The following EXOC3 variants were observed in gnomAD, a reference collection of about 807,000 sequenced individuals.
EXOC3 encodes exocyst complex component 3.
In EXOC3, 21 loss-of-function variants were observed where a neutral mutation model predicts 73.7. The observed-to-expected ratio is 0.29, with a 90% CI of 0.20 to 0.41. EXOC3 has a LOEUF of 0.41. Ranked by LOEUF, EXOC3 falls within the 10% of genes least tolerant of loss-of-function variation. EXOC3 has a pLI of 1.00. For synonymous variants in EXOC3, 410 were observed against 389.1 expected (o/e 1.05, Z -0.63); for missense variants, 842 against 985.1 (o/e 0.85, Z 1.95).
At chr5:464,587 G>C in intron 10 of EXOC3, 175 bp downstream of exon 10, 1 of 628,970 alleles carries the variant, frequency 1.6e-6, no homozygotes, top group South Asian at 1.8e-5. Flanking sequence ...CGGGGCTCTG[G>C]TGAGAATGGC....
chr5:446,393 G>C (rs777502348), intron 2 of EXOC3, 44 bp downstream of exon 2: 1 of 1,518,014 alleles, frequency 6.6e-7, no homozygotes, highest in Non-Finnish European at 8.8e-7. Flanking sequence ...TTGGGCTTCA[G>C]GTTCTTGCTT....
chr5:448,244 G>C (rs76878181), intron 3 of EXOC3, among the ~76,000 whole-genome samples: 5 of 152,196 alleles, frequency 3.3e-5, no homozygotes, highest in African/African-American at 9.7e-5. Flanking sequence ...TGAGCGCCGT[G>C]GGGGAGTGAC....
At position 458,012 on chromosome 5, in the gene EXOC3, C is replaced by T. The variant is rs1250072070; in HGVS notation, c.1277C>T (p.Ala426Val). 3.1e-6 allele frequency: 5 copies of T among 1,612,328 alleles called. No homozygotes were observed. The highest frequency in any genetic ancestry group is 3.4e-6 in the Non-Finnish European group (4 of 1,179,166). ...GGGTACTACCAGACCACACTCCCTG[C>T]CATTGTCTTCCAGGTACCACCTGCA... ...QDGYYQTTLP[A>V]IVFQMFEQNL... Residue 426 changes from alanine (A) to valine (V), a missense_variant, in exon 6 of 13, where the codon GCC (alanine) becomes GTC (valine). Transcript: ENST00000512944.
At chr5:443,810 C>T (rs941075629) in intron 1 of EXOC3, among the ~76,000 whole-genome samples, 1 of 151,540 alleles carries the variant, frequency 6.6e-6, no homozygotes, top group African/African-American at 2.4e-5. Context: ...GACGGTGTCC[C>T]CCCCCAGGCG....
In EXOC3 at chr5:465,723, C is replaced by T. The variant is rs13162508; in HGVS notation, c.1944C>T (p.Phe648=). The T allele has an allele frequency of 0.025, 40,613 of 1,613,752 alleles. 630 individuals are homozygous for T. The highest frequency in any genetic ancestry group is 0.03 in the Non-Finnish European group (35,273 of 1,179,840). The change falls in exon 12 of 13, where the codon TTC becomes TTT. Residue 648 remains phenylalanine (F), a synonymous_variant. Transcript: ENST00000512944. ...RFLFRKLASG[F]GEDVDGYCDT... ...ACATTGCTGCTGCCTTCCAGGGTTTCGGGGAAGACGTGGACGGATACTGCG... is the reference window on the plus strand; with the variant it reads ...ACATTGCTGCTGCCTTCCAGGGTTTTGGGGAAGACGTGGACGGATACTGCG...
chr5:454,727 G>A (rs910094532), intron 4 of EXOC3, among the ~76,000 whole-genome samples: 6 of 152,180 alleles, frequency 3.9e-5, no homozygotes, highest in Non-Finnish European at 8.8e-5. Context: ...TTAAGATTAG[G>A]TAGCCGAAAT....
chr5:445,670 A>G (rs1251012314), intron 1 of EXOC3, among the ~76,000 whole-genome samples: 3 of 152,100 alleles, frequency 2.0e-5, no homozygotes, highest in South Asian at 4.1e-4. Context: ...TGTCACTTTT[A>G]TAGGGTGGGA....
chr5:453,506 G>A lies in EXOC3; in HGVS notation c.501G>A (p.Thr167=), dbSNP rs747106721. The change falls in exon 4 of 13, where the codon ACG becomes ACA. Residue 167 remains threonine, a synonymous_variant. Coordinates refer to ENST00000512944, the MANE Select transcript of EXOC3 (RefSeq NM_007277.5). ...YEQYRMDSGN[T]RDMTLIHGYF... ...AGTACCGCATGGACAGTGGGAACAC[G>A]CGTGACATGACCCTCATCCATGGCT... 54 of 1,613,998 alleles carry A rather than the reference G, an allele frequency of 3.3e-5. No individual in the cohort carries two copies. The highest frequency in any genetic ancestry group is 2.9e-4 in the African/African-American group (22 of 75,044).
At position 446,138 on chromosome 5, in the gene EXOC3, C is replaced by T; in HGVS notation, c.-56-12C>T. On this transcript the variant is annotated splice_polypyrimidine_tract_variant and intron_variant, in intron 1 of 12. Transcript: ENST00000512944. Reference sequence around the variant, plus strand: ...GTACCTAACATTTCTACCGTCCTAACAACTCCTGCAGTGCACAGAGAACAC... The same window carrying T: ...GTACCTAACATTTCTACCGTCCTAATAACTCCTGCAGTGCACAGAGAACAC... 6.3e-7 allele frequency: 1 copy of T among 1,588,682 alleles called. No homozygotes were observed. The highest frequency in any genetic ancestry group is 1.1e-5 in the South Asian group (1 of 90,200).
rs1161472538 is a variant in EXOC3, at chr5:465,172, A to G, written c.1838A>G (p.Lys613Arg). The change falls in exon 11 of 13, where the codon AAG becomes AGG. Residue 613 changes from lysine (K) to arginine (R), a missense_variant. Physicochemically the swap from Lys to Arg is conservative, Grantham distance 26 (BLOSUM62 2). Transcript: ENST00000512944. The stretch of plus-strand genomic sequence containing the variant: ...GAGTACCTGCGGGCGGTCATGCAGA[A>G]GCGCATTTCCTTCCGGAGCCCGGAG... ...VVEYLRAVMQ[K>R]RISFRSPEER... 6.9e-6 allele frequency: 11 copies of G among 1,597,612 alleles called. No homozygotes were observed. Among genetic ancestry groups the G allele is most frequent in the Admixed American group, 1.7e-5 (1 of 57,414 alleles).
chr5:464,240 C>T lies in EXOC3; in HGVS notation c.1654-50C>T, dbSNP rs369175735. 136 of 1,591,980 alleles carry T rather than the reference C, an allele frequency of 8.5e-5. 1 individual carries two copies. Among genetic ancestry groups the T allele is most frequent in the Non-Finnish European group, 1.3e-5 (15 of 1,166,238 alleles). ...GCCTCCCTCCCACATGCACTCGGCT[C>T]TCGTGGGACGTTGAGGTGATGATTT... On this transcript the variant is annotated intron_variant, in intron 9 of 12. Coordinates refer to ENST00000512944, the MANE Select transcript of EXOC3 (RefSeq NM_007277.5).
chr5:458,805 G>A (rs1418182221), intron 6 of EXOC3, among the ~76,000 whole-genome samples: 2 of 152,234 alleles, frequency 1.3e-5, no homozygotes, highest in Non-Finnish European at 2.9e-5. Context: ...GTGAGGGCTG[G>A]CGGGTGACAT....
chr5:457,452 A>G (rs1737856332), intron 5 of EXOC3: 1 of 237,798 alleles, frequency 4.2e-6, no homozygotes, highest in African/African-American at 2.2e-5. Context: ...GCGTCCACCT[A>G]GCAAGGCAGC....
intron 10 of EXOC3, chr5:464,640 T>G: frequency 2.1e-6 from 1 of 486,208 alleles, no homozygotes. Flanking sequence ...GGAGCCATGG[T>G]TCCCGGAGAG....
rs753120494 is a variant in EXOC3 at position 457,026 on chromosome 5, G to A, written c.1164+20G>A. 5.6e-5 allele frequency: 87 copies of A among 1,560,776 alleles called. No homozygotes were observed. Among genetic ancestry groups the A allele is most frequent in the Non-Finnish European group, 7.2e-5 (82 of 1,132,356 alleles). ...CTCACTGTGAGTAGGGCTGGCCTGCGTGCCACAGACCACCGTGCTGGTTAT... is the reference window on the plus strand; with the variant it reads ...CTCACTGTGAGTAGGGCTGGCCTGCATGCCACAGACCACCGTGCTGGTTAT... On this transcript the variant is annotated intron_variant, in intron 5 of 12. Coordinates refer to ENST00000512944, the MANE Select transcript of EXOC3 (RefSeq NM_007277.5).
chr5:455,627 A>G (rs185203473), intron 4 of EXOC3, among the ~76,000 whole-genome samples: 1 of 152,182 alleles, frequency 6.6e-6, no homozygotes, highest in African/African-American at 2.4e-5. Flanking sequence ...GAATTTTCTG[A>G]GTGGTCAAAC....
chr5:447,574 C>G lies in EXOC3; in HGVS notation c.186C>G (p.Leu62=), dbSNP rs189048784. Residue 62 remains leucine, a synonymous_variant, in exon 3 of 13, where the codon CTC becomes CTG. Coordinates refer to ENST00000512944, the MANE Select transcript of EXOC3 (RefSeq NM_007277.5). ...AGTTGGACGGGGTGCGCACAGGCCT[C>G]AGCCAGCTCCACAACGCCCTGAATG... ...QSQLDGVRTG[L]SQLHNALNDV... 1.0e-3 allele frequency: 1,590 copies of G among 1,589,638 alleles called. 1 individual carries two copies. The highest frequency in any genetic ancestry group is 1.3e-3 in the Non-Finnish European group (1,462 of 1,167,988).
chr5:458,499 G>T (rs2126582706), intron 6 of EXOC3, among the ~76,000 whole-genome samples: 1 of 152,326 alleles, frequency 6.6e-6, no homozygotes, highest in South Asian at 2.1e-4. Context: ...TACCTCCTGG[G>T]TCAAGGCGTC....
chr5:459,224 TC>T, intron 6 of EXOC3, 134 bp from the exon 7 acceptor site: 2 of 342,106 alleles, frequency 5.8e-6, no homozygotes, highest in Admixed American at 6.6e-5. Flanking sequence ...TCACGTGGTT[TC>T]ATTTTTTTTT....
Sources: allele counts gnomAD v4.1 joint callset (sites outside exome capture counted in the v4.1 genomes callset), GRCh38; gene constraint gnomAD v4.1.1; transcripts MANE v1.5; gene names NCBI Gene and HGNC (gene_info 2026-07-23, HGNC 2026-07-21).